Variants in BICC1 observed in about 807,000 individuals in gnomAD.
The protein encoded by BICC1 is BicC family RNA binding protein 1.
Under a neutral mutation model 111.0 loss-of-function variants are expected in BICC1, and 43 were observed. The observed-to-expected ratio is 0.39, with a 90% confidence interval of 0.30 to 0.50. The LOEUF is 0.50. Among genes scored for constraint, BICC1 ranks in the 20% least tolerant of loss-of-function variants. BICC1 has a pLI of 0.88. For missense variants in BICC1, 1,091 were observed against 1,203.2 expected, an observed-to-expected ratio of 0.91 and a Z score of 1.38; for synonymous variants, 467 against 434.4, an observed-to-expected ratio of 1.07 and a Z score of -0.93.
chr10:58,783,180 C>G (rs1007218713), intron 3 of BICC1, among the ~76,000 whole-genome samples: 7 of 151,984 alleles, frequency 4.6e-5, no homozygotes, highest in African/African-American at 1.7e-4. Flanking sequence ...TGCTTGAGAC[C>G]AAGAGCAGCC....
intron 2 of BICC1, among the ~76,000 whole-genome samples, chr10:58,654,286 A>G (rs945210405): frequency 1.7e-5 from 2 of 116,254 alleles, no homozygotes; most frequent in Non-Finnish European, 3.6e-5. Context: ...GAACTAGTTT[A>G]CAGTACCACC....
intron 1 of BICC1, among the ~76,000 whole-genome samples, chr10:58,614,709 G>A (rs906338886): frequency 1.3e-5 from 2 of 152,022 alleles, no homozygotes; most frequent in Non-Finnish European, 2.9e-5. Context: ...TGATGGACTT[G>A]GAATGAAGGG....
At chr10:58,763,032 G>T (rs960758413) in intron 3 of BICC1, among the ~76,000 whole-genome samples, 37 of 148,648 alleles carry the variant, frequency 2.5e-4, no homozygotes, top group African/African-American at 8.8e-4. Flanking sequence ...GTGATATATT[G>T]TTTTTGTGAA....
chr10:58,592,453 C>G (rs1474481292), intron 1 of BICC1, among the ~76,000 whole-genome samples: 1 of 152,114 alleles, frequency 6.6e-6, no homozygotes, highest in Non-Finnish European at 1.5e-5. Flanking sequence ...TGGCTCAGAC[C>G]TGTATTCCCA....
chr10:58,705,021 G>A (rs1840349155), intron 3 of BICC1, among the ~76,000 whole-genome samples: 1 of 152,168 alleles, frequency 6.6e-6, no homozygotes, highest in South Asian at 2.1e-4. Flanking sequence ...AGCTGTGTGA[G>A]TGGCCGTATG....
chr10:58,671,874 T>C (rs1021046810), intron 2 of BICC1, among the ~76,000 whole-genome samples: 1 of 152,140 alleles, frequency 6.6e-6, no homozygotes, highest in African/African-American at 2.4e-5. Flanking sequence ...TCTCATCTTA[T>C]TTGGTTTCTC....
intron 20 of BICC1, among the ~76,000 whole-genome samples, chr10:58,824,701 G>A (rs1844346835): frequency 6.6e-6 from 1 of 152,156 alleles, no homozygotes; most frequent in Admixed American, 6.6e-5. Context: ...TGAGTACCAT[G>A]CAAATATAAG....
intron 2 of BICC1, among the ~76,000 whole-genome samples, chr10:58,683,905 C>G (rs1409629157): frequency 2.6e-5 from 4 of 151,910 alleles, no homozygotes; most frequent in Non-Finnish European, 5.9e-5. Context: ...GAACTTCCAA[C>G]ACTTTGTTGA....
intron 2 of BICC1, among the ~76,000 whole-genome samples, chr10:58,651,569 A>C (rs1330723744): frequency 6.6e-6 from 1 of 151,912 alleles, no homozygotes; most frequent in Non-Finnish European, 1.5e-5. Context: ...TCCAATCCTA[A>C]CCTTTGTTTT....
chr10:58,821,729 TC>T (rs1204666952), intron 20 of BICC1, among the ~76,000 whole-genome samples: 2 of 152,150 alleles, frequency 1.3e-5, no homozygotes, highest in Non-Finnish European at 2.9e-5. Flanking sequence ...AATGCATAAT[TC>T]CTGCTCATAA....
chr10:58,658,011 T>TCC (rs1564536260), intron 2 of BICC1, among the ~76,000 whole-genome samples: 2 of 8,646 alleles, frequency 2.3e-4, no homozygotes, highest in Non-Finnish European at 6.9e-4. Flanking sequence ...TGTCAATCTG[T>TCC]CCTTCCACTA....
At chr10:58,764,629 C>CTTTTTTTTTTTTTTTTTTTTTTTTTTT (rs11366847) in intron 3 of BICC1, among the ~76,000 whole-genome samples, 3 of 117,584 alleles carry the variant, frequency 2.6e-5, no homozygotes, top group Non-Finnish European at 3.5e-5. Context: ...TAATTTCCTT[C>CTTTTTTTTTTTTTTTTTTTTTTTTTTT]TTTTTTTTTT....
chr10:58,606,786 C>T (rs2132091138), intron 1 of BICC1, among the ~76,000 whole-genome samples: 2 of 152,206 alleles, frequency 1.3e-5, no homozygotes, highest in Middle Eastern at 6.8e-3. Flanking sequence ...ATTAGCTCTA[C>T]TAATATGGAA....
At chr10:58,744,809 G>T (rs1275135821) in intron 3 of BICC1, among the ~76,000 whole-genome samples, 3 of 152,100 alleles carry the variant, frequency 2.0e-5, no homozygotes, top group Admixed American at 1.3e-4. Flanking sequence ...GGAGGTCATT[G>T]TGAAGATACT....
chr10:58,563,356 C>T (rs980079692), intron 1 of BICC1, among the ~76,000 whole-genome samples: 13 of 152,090 alleles, frequency 8.5e-5, no homozygotes, highest in Admixed American at 5.2e-4. Context: ...AAGTGTACTC[C>T]GCTTAGTCCT....
intron 2 of BICC1, among the ~76,000 whole-genome samples, chr10:58,646,488 G>T (rs527976465): frequency 6.6e-6 from 1 of 152,236 alleles, no homozygotes; most frequent in South Asian, 2.1e-4. Context: ...TTAGGGTCTT[G>T]CAGGCTGTCT....
At position 58,606,452 on chromosome 10, in the gene BICC1, A is replaced by T. The variant is rs543300123; in HGVS notation, c.191-14403A>T. 2.1e-4 allele frequency among the ~76,000 whole-genome samples: 32 copies of T among 151,384 alleles called. No individual in the cohort carries two copies. The East Asian group carries it at 5.7e-3, about 27-fold the overall frequency. ...GGGGAGGGATAGCATTGGGAGATAT[A>T]CCTAGGGCTAGATGACGAGTTAGTG... is the stretch of plus-strand genomic sequence containing the variant. On this transcript the variant is annotated intron_variant, in intron 1 of 20. Transcript: ENST00000373886.
Position 58,651,868 on chromosome 10 carries a change from G to A in BICC1, c.237+30967G>A, listed in dbSNP as rs111652443. On this transcript the variant is annotated intron_variant, in intron 2 of 20. Coordinates refer to ENST00000373886, the MANE Select transcript of BICC1 (RefSeq NM_001080512.3). Reference sequence around the variant, plus strand: ...GAGATCTTGTTGTAAGCTTGGCAAAGGTAGACATGATTAAGTAAAAGTGCA... The same window carrying A: ...GAGATCTTGTTGTAAGCTTGGCAAAAGTAGACATGATTAAGTAAAAGTGCA... Among the ~76,000 whole-genome samples the A allele has an allele frequency of 7.7e-3, 1,176 of 152,186 alleles. 12 individuals are homozygous for A. Among genetic ancestry groups the A allele is most frequent in the African/African-American group, 0.027 (1,123 of 41,528 alleles).
chr10:58,755,708 A>T (rs4325270), intron 3 of BICC1, among the ~76,000 whole-genome samples: 67,966 of 150,640 alleles, frequency 0.45, 16,686 homozygotes, highest in Admixed American at 0.59. Context: ...TTTTTGGCCT[A>T]AGTTTCAATG....
Sources: allele counts gnomAD v4.1 joint callset (sites outside exome capture counted in the v4.1 genomes callset), GRCh38; gene constraint gnomAD v4.1.1; transcripts MANE v1.5; gene names NCBI Gene and HGNC (gene_info 2026-07-23, HGNC 2026-07-21).